LRP2: variants seen among roughly 807,000 people sequenced by gnomAD.
LRP2 encodes the protein low-density lipoprotein receptor-related protein 2.
A neutral mutation model predicts 531.0 loss-of-function variants in LRP2; 172 were observed. The observed-to-expected ratio is 0.32, with a 90% CI of 0.29 to 0.37. LRP2 has a LOEUF of 0.37. LRP2 is among the 10% of genes least tolerant of loss of function. The pLI is 1.00. For missense variants in LRP2, 5,167 were observed against 5,868.3 expected (o/e 0.88, Z 3.90); for synonymous variants, 1,992 against 2,027.6 (o/e 0.98, Z 0.47).
chr2:169,209,745 G>T, intron 37 of LRP2, 104 bp from the exon 38 acceptor site: 1 of 1,071,050 alleles, frequency 9.3e-7, no homozygotes, highest in Non-Finnish European at 1.4e-6. Flanking sequence ...CCTGCTCTGA[G>T]CATCTCCCCA....
Position 169,145,755 on chromosome 2 carries a change from T to C in LRP2, c.12980A>G (p.Asn4327Ser), listed in dbSNP as rs774896069. ...QVRIFHQLRYNKSVPNLCKQI... is the reference protein window; with the variant it reads ...QVRIFHQLRYSKSVPNLCKQI... ...CCAAAGTTGGTGATTACCTGACTTATTGTATCTGAGTTGATGAAAGATTCG... is the reference window on the plus strand; with the variant it reads ...CCAAAGTTGGTGATTACCTGACTTACTGTATCTGAGTTGATGAAAGATTCG... Residue 4327 changes from asparagine to serine, a missense_variant, in exon 70 of 79, where the codon AAT becomes AGT. This residue lies in a region of LRP2 where 564 missense variants were observed against 747.7 expected (regional missense o/e 0.75). Coordinates refer to ENST00000649046, the MANE Select transcript of LRP2 (RefSeq NM_004525.3). The C allele has an allele frequency of 6.2e-7, 1 of 1,614,142 alleles. No homozygotes were observed. The highest frequency in any genetic ancestry group is 8.5e-7 in the Non-Finnish European group (1 of 1,180,000).
At chr2:169,313,004 A>G (rs1684658121) in intron 3 of LRP2, among the ~76,000 whole-genome samples, 1 of 152,122 alleles carries the variant, frequency 6.6e-6, no homozygotes, top group Non-Finnish European at 1.5e-5. Context: ...ACGGCTATTG[A>G]CGCTTGTGCA....
At chr2:169,162,683 CT>C in intron 62 of LRP2, 83 bp from the exon 63 acceptor site, 2 of 1,428,668 alleles carry the variant, frequency 1.4e-6, no homozygotes, top group Non-Finnish European at 2.0e-6. Flanking sequence ...ACAGTTTGTG[CT>C]TACCAAATAA....
rs1559055763 is a variant in LRP2, at chr2:169,282,886, T to C, written c.1158A>G (p.Lys386=). Residue 386 remains lysine, a synonymous_variant, in exon 10 of 79, where the codon AAA becomes AAG. Coordinates refer to ENST00000649046, the MANE Select transcript of LRP2 (RefSeq NM_004525.3). ...TAATTTACTCACAGGAATCATTAGC[T>C]TTGCAATACTGTCCACGCTCCAAGA... ...GYILERGQYC[K]ANDSFGEASI... is the part of the protein sequence containing the mutation. The C allele has an allele frequency of 6.2e-7, 1 of 1,614,044 alleles. No homozygotes were observed. Among genetic ancestry groups the C allele is most frequent in the African/African-American group, 1.3e-5 (1 of 75,058 alleles).
At chr2:169,316,125 G>C (rs567703228) in intron 3 of LRP2, among the ~76,000 whole-genome samples, 4 of 146,488 alleles carry the variant, frequency 2.7e-5, no homozygotes, top group African/African-American at 7.8e-5. Context: ...CTGGGCAACA[G>C]AGCAAGACCC....
At chr2:169,289,344 G>A (rs1683941592) in intron 8 of LRP2, among the ~76,000 whole-genome samples, 199 bp from the exon 9 acceptor site, 1 of 152,124 alleles carries the variant, frequency 6.6e-6, no homozygotes, top group African/African-American at 2.4e-5. Flanking sequence ...GAAGCCAGGA[G>A]ATCAAGACCA....
chr2:169,243,917 T>G (rs1286325075), intron 22 of LRP2, among the ~76,000 whole-genome samples: 1 of 152,114 alleles, frequency 6.6e-6, no homozygotes, highest in Non-Finnish European at 1.5e-5. Context: ...AGCAACAGTG[T>G]GTAGACAGAC....
At chr2:169,209,324 T>C in intron 38 of LRP2, 129 bp downstream of exon 38, 1 of 800,860 alleles carries the variant, frequency 1.2e-6, no homozygotes, top group South Asian at 1.4e-5. Flanking sequence ...AGATTCAATG[T>C]ATCTTAAATG....
At chr2:169,354,734 G>A (rs186396299) in intron 1 of LRP2, among the ~76,000 whole-genome samples, 2 of 152,326 alleles carry the variant, frequency 1.3e-5, no homozygotes, top group African/African-American at 4.8e-5. Context: ...TCAGCAAAGA[G>A]TACATATATC....
intron 1 of LRP2, among the ~76,000 whole-genome samples, chr2:169,358,680 C>T (rs930828894): frequency 6.6e-6 from 1 of 152,112 alleles, no homozygotes; most frequent in Non-Finnish European, 1.5e-5. Flanking sequence ...AACATTACCA[C>T]ATTTTTATTG....
At chr2:169,218,202 T>G (rs1303013158) in intron 34 of LRP2, among the ~76,000 whole-genome samples, 2 of 152,148 alleles carry the variant, frequency 1.3e-5, no homozygotes, top group Non-Finnish European at 2.9e-5. Flanking sequence ...CTGACAAAAT[T>G]CTAAGCTCTT....
intron 1 of LRP2, among the ~76,000 whole-genome samples, chr2:169,335,669 A>T (rs1347406789): frequency 6.6e-6 from 1 of 152,160 alleles, no homozygotes; most frequent in Non-Finnish European, 1.5e-5. Context: ...AAAAAAAGGA[A>T]GTTCAGCGAT....
intron 28 of LRP2, 129 bp downstream of exon 28, chr2:169,236,974 C>A (rs995459145): frequency 1.6e-5 from 12 of 759,758 alleles, no homozygotes; most frequent in Non-Finnish European, 2.3e-5. Context: ...GGACACCTAC[C>A]ATGTTTAAAC....
At chr2:169,309,024 T>C (rs1684510911) in intron 3 of LRP2, among the ~76,000 whole-genome samples, 2 of 152,236 alleles carry the variant, frequency 1.3e-5, no homozygotes, top group African/African-American at 2.4e-5. Flanking sequence ...ATGTCTTCTT[T>C]TGAGAAGTGT....
At position 169,238,089 on chromosome 2, in the gene LRP2, A is replaced by G; in HGVS notation, c.4506+2T>C. On this transcript the variant is annotated splice_donor_variant, in intron 27 of 78. Coordinates refer to ENST00000649046, the MANE Select transcript of LRP2 (RefSeq NM_004525.3). LOFTEE classifies it high-confidence loss of function. ...GCCAAAGGTCAACAGAAATGTACTT[A>G]CCACTCTTCTGTCCGTTCCATTTTG... 1.2e-6 allele frequency: 2 copies of G among 1,613,690 alleles called. No homozygotes were observed. Among genetic ancestry groups the G allele is most frequent in the Non-Finnish European group, 1.7e-6 (2 of 1,179,568 alleles).
intron 4 of LRP2, among the ~76,000 whole-genome samples, chr2:169,306,654 C>T (rs1684428109): frequency 6.6e-6 from 1 of 152,178 alleles, no homozygotes; most frequent in African/African-American, 2.4e-5. Context: ...TATCCTAACA[C>T]TTCTATATAA....
At chr2:169,160,685 A>AAAAAAAAAAAAC (rs970862922) in intron 63 of LRP2, among the ~76,000 whole-genome samples, 2 of 94,234 alleles carry the variant, frequency 2.1e-5, no homozygotes, top group African/African-American at 4.6e-5. Flanking sequence ...ATTTCCTTAA[A>AAAAAAAAAAAAC]AAAAAAAAAA....
At chr2:169,310,949 A>T (rs1684579833) in intron 3 of LRP2, among the ~76,000 whole-genome samples, 1 of 152,122 alleles carries the variant, frequency 6.6e-6, no homozygotes, top group South Asian at 2.1e-4. Context: ...TGTGTCAAGG[A>T]ATTTATCCAT....
chr2:169,243,212 G>A (rs905839696), intron 23 of LRP2, 140 bp from the exon 24 acceptor site: 5 of 878,680 alleles, frequency 5.7e-6, no homozygotes, highest in South Asian at 4.4e-5. Context: ...AGGTATACAC[G>A]TGCCATGGTG....
Sources: gnomAD v4.1 joint callset for allele counts (sites outside exome capture counted in the v4.1 genomes callset) on GRCh38, gnomAD v4.1.1 for gene constraint, gnomAD v4.1.1 regional missense constraint, MANE v1.5 for transcripts, NCBI Gene and HGNC (gene_info 2026-07-23, HGNC 2026-07-21) for gene names.